Variants in RORB observed in about 807,000 individuals in gnomAD.
RORB encodes the protein nuclear receptor ROR-beta.
RORB carries 6 observed loss-of-function variants against 59.1 expected under a neutral mutation model. That is an observed-to-expected ratio of 0.10 (90% CI 0.06 to 0.20). RORB has a LOEUF of 0.20. Ranked by LOEUF, RORB falls within the 10% of genes least tolerant of loss-of-function variation. The pLI, the probability that RORB is intolerant of heterozygous loss-of-function variation, is 1.00. For synonymous variants in RORB, 215 were observed against 204.5 expected (o/e 1.05, Z -0.44); for missense variants, 320 against 560.5 (o/e 0.57, Z 4.33).
At chr9:74,657,951 G>A (rs1270924203) in intron 4 of RORB, among the ~76,000 whole-genome samples, 1 of 134,918 alleles carries the variant, frequency 7.4e-6, no homozygotes, top group Non-Finnish European at 1.5e-5. Context: ...GTTGCAGTGA[G>A]CCAAGATCGT....
chr9:74,541,273 C>G, intron 1 of RORB, among the ~76,000 whole-genome samples: 1 of 44,670 alleles, frequency 2.2e-5, no homozygotes, highest in Non-Finnish European at 4.2e-5. Context: ...GAAAGAGACT[C>G]CATCTCAAAA....
chr9:74,679,590 C>T (rs567349736), intron 9 of RORB, among the ~76,000 whole-genome samples: 34 of 152,200 alleles, frequency 2.2e-4, no homozygotes, highest in African/African-American at 7.7e-4. Context: ...ATAGGTACTA[C>T]GTGCCAGGTG....
intron 1 of RORB, among the ~76,000 whole-genome samples, chr9:74,572,392 C>T (rs112601711): frequency 3.2e-4 from 48 of 152,128 alleles, no homozygotes; most frequent in African/African-American, 1.0e-3. Context: ...AGTCTTTTTC[C>T]TGAGCTTAGA....
At chr9:74,682,380 A>G (rs1242171962) in intron 9 of RORB, among the ~76,000 whole-genome samples, 1 of 151,906 alleles carries the variant, frequency 6.6e-6, no homozygotes, top group Non-Finnish European at 1.5e-5. Context: ...ACATGTATAC[A>G]TATGTAACTA....
chr9:74,567,619 G>A (rs1490052202), intron 1 of RORB, among the ~76,000 whole-genome samples: 2 of 152,090 alleles, frequency 1.3e-5, no homozygotes, highest in African/African-American at 2.4e-5. Flanking sequence ...AGATCCTATG[G>A]TTTAATAGAA....
intron 9 of RORB, among the ~76,000 whole-genome samples, chr9:74,676,870 G>A (rs532767966): frequency 2.0e-5 from 3 of 152,310 alleles, no homozygotes; most frequent in South Asian, 2.1e-4. Context: ...GTTATGTCAC[G>A]TTAATGAAAA....
At chr9:74,608,990 C>G (rs566607533) in intron 1 of RORB, among the ~76,000 whole-genome samples, 4 of 152,256 alleles carry the variant, frequency 2.6e-5, no homozygotes, top group African/African-American at 9.6e-5. Flanking sequence ...TTTTTCACTG[C>G]TTATTCATCA....
intron 2 of RORB, among the ~76,000 whole-genome samples, chr9:74,631,350 G>A (rs995758037): frequency 4.9e-4 from 74 of 152,186 alleles, no homozygotes; most frequent in African/African-American, 1.8e-3. Context: ...AAGGTAATAT[G>A]CTGGTAAAGT....
intron 1 of RORB, among the ~76,000 whole-genome samples, chr9:74,625,251 G>T (rs1823490821): frequency 6.6e-6 from 1 of 152,162 alleles, no homozygotes; most frequent in Admixed American, 6.5e-5. Flanking sequence ...TCATATACAA[G>T]AATCACTTGG....
intron 4 of RORB, among the ~76,000 whole-genome samples, chr9:74,659,148 C>T (rs181448332): frequency 1.3e-5 from 2 of 152,242 alleles, no homozygotes; most frequent in African/African-American, 4.8e-5. Flanking sequence ...GTGTTTCCAA[C>T]GTGCCAGGCA....
At chr9:74,642,377 C>T (rs745923706) in intron 3 of RORB, 37 bp from the exon 4 acceptor site, 2 of 1,568,048 alleles carry the variant, frequency 1.3e-6, no homozygotes, top group African/African-American at 1.4e-5. Context: ...CGAATGATAA[C>T]CACAAGTGCT....
rs1824763672 is a variant in RORB at position 74,692,593 on chromosome 9, T to G, written c.*6975T>G. 1 of 152,178 alleles carries G rather than the reference T, an allele frequency of 6.6e-6. No homozygotes were observed. The highest frequency in any genetic ancestry group is 6.5e-5 in the Admixed American group (1 of 15,280). The allele number at this position is 152,178 out of a possible 1,614,324, so 9.4% of individuals were successfully genotyped here. A position where few individuals can be genotyped will look rare whatever the true frequency, so the allele number is the denominator to read the frequency against. ...TGGGAGGGGTACAGTTTGCATCTCA[T>G]TAGCATGCACACCACTGTTGGCAAT... On this transcript the variant is annotated 3_prime_UTR_variant, in exon 10 of 10. Transcript: ENST00000376896.
In RORB at chr9:74,549,441, C is replaced by CA. The variant is rs564673844; in HGVS notation, c.7+51471dup. Among the ~76,000 whole-genome samples the CA allele has an allele frequency of 9.2e-4, 85 of 92,422 alleles. 16 individuals are homozygous for CA. Among genetic ancestry groups the CA allele is most frequent in the South Asian group, 1.6e-3 (4 of 2,448 alleles). The allele number at this position is 92,422 out of a possible 152,430, so 60.6% of individuals were successfully genotyped here. ...CCTGGGCAACAGAGCAAAATTCCGTCAAAAAAAAAAAAAGAAGAAAGAGAG... is the reference window on the plus strand; with the variant it reads ...CCTGGGCAACAGAGCAAAATTCCGTCAAAAAAAAAAAAAAGAAGAAAGAGAG... On this transcript the variant is annotated intron_variant, in intron 1 of 9. Coordinates refer to ENST00000376896, the MANE Select transcript of RORB (RefSeq NM_006914.4).
chr9:74,568,059 C>T (rs992305595), intron 1 of RORB, among the ~76,000 whole-genome samples: 4 of 152,144 alleles, frequency 2.6e-5, no homozygotes, highest in African/African-American at 9.7e-5. Context: ...ACACATCATT[C>T]CCAATTCTTC....
chr9:74,554,390 A>C (rs1247353572), intron 1 of RORB, among the ~76,000 whole-genome samples: 1 of 152,134 alleles, frequency 6.6e-6, no homozygotes, highest in Admixed American at 6.5e-5. Context: ...ACATCAGGGA[A>C]AGATATGCTT....
At chr9:74,534,641 C>T (rs1276284523) in intron 1 of RORB, among the ~76,000 whole-genome samples, 2 of 151,914 alleles carry the variant, frequency 1.3e-5, no homozygotes, top group African/African-American at 4.8e-5. Context: ...TCCACCCATA[C>T]ACCCTAGATG....
chr9:74,574,571 G>T (rs1331377262), intron 1 of RORB, among the ~76,000 whole-genome samples: 3 of 152,006 alleles, frequency 2.0e-5, no homozygotes, highest in Non-Finnish European at 4.4e-5. Flanking sequence ...GTGTCTTTAG[G>T]CCTTCACCAC....
intron 1 of RORB, 42 bp downstream of exon 1, chr9:74,498,025 A>G: frequency 6.2e-7 from 1 of 1,602,890 alleles, no homozygotes. Context: ...GAGTCCGGCC[A>G]ACTCCAGCCA....
chr9:74,586,416 T>A (rs1822800192), intron 1 of RORB, among the ~76,000 whole-genome samples: 1 of 152,046 alleles, frequency 6.6e-6, no homozygotes, highest in Non-Finnish European at 1.5e-5. Flanking sequence ...GAGAATCATT[T>A]GAGCCTGGGA....
Sources: allele counts gnomAD v4.1 joint callset (sites outside exome capture counted in the v4.1 genomes callset), GRCh38; gene constraint gnomAD v4.1.1; transcripts MANE v1.5; gene names NCBI Gene and HGNC (gene_info 2026-07-23, HGNC 2026-07-21).